RALYL: variants seen among roughly 807,000 people sequenced by gnomAD.
RALYL encodes the protein RALY RNA binding protein like, also known as RNA-binding Raly-like protein.
In RALYL, 29 loss-of-function variants were observed where a neutral mutation model predicts 35.1. That is an observed-to-expected ratio of 0.83 (90% CI 0.61 to 1.13). RALYL has a LOEUF of 1.13. RALYL is among the 50% of genes most tolerant of loss of function. RALYL has a pLI of 0.00. For synonymous variants in RALYL, 120 were observed against 127.6 expected (o/e 0.94, Z 0.40); for missense variants, 359 against 360.4 (o/e 1.00, Z 0.03).
At chr8:84,800,031 A>T (rs759370117) in intron 3 of RALYL, among the ~76,000 whole-genome samples, 1 of 152,232 alleles carries the variant, frequency 6.6e-6, no homozygotes, top group African/African-American at 2.4e-5. Context: ...GCTTAGAGGC[A>T]TCTACAATTA....
chr8:84,372,886 G>GTTTTTTTTTTT (rs76885544), intron 1 of RALYL, among the ~76,000 whole-genome samples: 469 of 39,074 alleles, frequency 0.012, 37 homozygotes, highest in Non-Finnish European at 0.014. Context: ...GCCAGCATCT[G>GTTTTTTTTTTT]TTTTTTTTTT....
At chr8:84,242,007 C>T (rs10088997) in intron 1 of RALYL, among the ~76,000 whole-genome samples, 2 of 152,140 alleles carry the variant, frequency 1.3e-5, no homozygotes, top group African/African-American at 4.8e-5. Context: ...CTTCCTCCCT[C>T]CCACACCCCC....
chr8:84,236,285 G>A (rs1349539461), intron 1 of RALYL, among the ~76,000 whole-genome samples: 2 of 152,126 alleles, frequency 1.3e-5, no homozygotes, highest in East Asian at 1.9e-4. Context: ...GGATCACAAA[G>A]CAACAATATA....
chr8:84,548,871 G>A (rs1414701866), intron 2 of RALYL, among the ~76,000 whole-genome samples: 4 of 151,686 alleles, frequency 2.6e-5, no homozygotes, highest in South Asian at 2.1e-4. Flanking sequence ...GTGATGTTTC[G>A]CTTTGCTTGG....
Position 84,239,025 on chromosome 8 carries a change from G to A in RALYL, c.-24+54601G>A, listed in dbSNP as rs375094496. 9.9e-5 allele frequency among the ~76,000 whole-genome samples: 15 copies of A among 152,246 alleles called. No individual in the cohort carries two copies. In the South Asian group the frequency reaches 2.9e-3, roughly 29 times the overall value. On this transcript the variant is annotated intron_variant, in intron 1 of 8. Coordinates refer to ENST00000521268, the MANE Select transcript of RALYL (RefSeq NM_173848.7). ...GTAAAGACATCTTATACCATGTTAG[G>A]CACCATAATGACCTGAGATGTGCAG...
At chr8:84,203,680 C>T (rs1429395460) in intron 1 of RALYL, among the ~76,000 whole-genome samples, 3 of 152,048 alleles carry the variant, frequency 2.0e-5, no homozygotes, top group African/African-American at 4.8e-5. Context: ...TTCTCAAGTG[C>T]AATATAGATA....
At chr8:84,913,801 A>G (rs1847972331) in intron 8 of RALYL, among the ~76,000 whole-genome samples, 1 of 151,896 alleles carries the variant, frequency 6.6e-6, no homozygotes. Flanking sequence ...TTTTTTTTAA[A>G]TTACCTATGT....
intron 4 of RALYL, among the ~76,000 whole-genome samples, chr8:84,814,727 C>T (rs1586492592): frequency 6.6e-6 from 1 of 152,274 alleles, no homozygotes; most frequent in East Asian, 1.9e-4. Context: ...GGTCTCTGAT[C>T]TGCAACTATA....
rs1487833988 is a variant in RALYL, at chr8:84,763,570, A to T, written c.257-11009A>T. 5.3e-5 allele frequency among the ~76,000 whole-genome samples: 8 copies of T among 152,314 alleles called. No individual in the cohort carries two copies. The East Asian group carries it at 1.5e-3, about 29-fold the overall frequency. On this transcript the variant is annotated intron_variant, in intron 2 of 8. Coordinates refer to ENST00000521268, the MANE Select transcript of RALYL (RefSeq NM_173848.7). ...AATTGTTAAGCAAAGTTCTAAACAT[A>T]TTCAGGAGGCTACTGGTGAACACTT... is the stretch of plus-strand genomic sequence containing the variant.
chr8:84,632,365 G>C (rs1824104409), intron 2 of RALYL, among the ~76,000 whole-genome samples: 1 of 151,906 alleles, frequency 6.6e-6, no homozygotes, highest in African/African-American at 2.4e-5. Flanking sequence ...AAAATGGGAA[G>C]AAATTTTTTT....
chr8:84,489,973 T>C (rs1254047985), intron 1 of RALYL, among the ~76,000 whole-genome samples: 1 of 151,996 alleles, frequency 6.6e-6, no homozygotes, highest in Non-Finnish European at 1.5e-5. Flanking sequence ...TAAAAGTTTT[T>C]CTAAAGATAA....
rs533723897 is a variant in RALYL at position 84,307,433 on chromosome 8, C to T, written c.-24+123009C>T. On this transcript the variant is annotated intron_variant, in intron 1 of 8. Coordinates refer to ENST00000521268, the MANE Select transcript of RALYL (RefSeq NM_173848.7). ...GAAAATTAGAGATTAAATAGTTTGC[C>T]CTCTCTTGTCAATTCCAGCTTATAT... is the stretch of plus-strand genomic sequence containing the variant. Among the ~76,000 whole-genome samples the T allele has an allele frequency of 3.3e-5, 5 of 152,104 alleles. No homozygotes were observed. The East Asian group carries it at 5.8e-4, about 18-fold the overall frequency.
chr8:84,610,719 A>G (rs1818120017), intron 2 of RALYL, among the ~76,000 whole-genome samples: 1 of 152,152 alleles, frequency 6.6e-6, no homozygotes, highest in Non-Finnish European at 1.5e-5. Flanking sequence ...CCACTTGTTT[A>G]TATCAGTATG....
chr8:84,615,762 C>G (rs1175904358), intron 2 of RALYL, among the ~76,000 whole-genome samples: 2 of 113,630 alleles, frequency 1.8e-5, no homozygotes, highest in Non-Finnish European at 3.4e-5. Flanking sequence ...CACCCCACAA[C>G]AGTCCCCAGA....
chr8:84,411,609 A>C (rs2132178235), intron 1 of RALYL, among the ~76,000 whole-genome samples: 1 of 152,072 alleles, frequency 6.6e-6, no homozygotes, highest in East Asian at 1.9e-4. Flanking sequence ...CTGAGGATTA[A>C]ATGTGATAAT....
intron 2 of RALYL, among the ~76,000 whole-genome samples, chr8:84,727,215 A>G (rs1394573162): frequency 6.6e-6 from 1 of 150,638 alleles, no homozygotes; most frequent in African/African-American, 2.5e-5. Context: ...AGATAATGTT[A>G]TCAAATGTTG....
At chr8:84,353,353 G>GC (rs1472019028) in intron 1 of RALYL, among the ~76,000 whole-genome samples, 3 of 150,112 alleles carry the variant, frequency 2.0e-5, no homozygotes, top group Non-Finnish European at 4.4e-5. Context: ...TAGCTTTTAA[G>GC]CCCCCGTGGT....
At chr8:84,530,532 G>T (rs1312213811) in intron 2 of RALYL, among the ~76,000 whole-genome samples, 1 of 150,748 alleles carries the variant, frequency 6.6e-6, no homozygotes, top group Non-Finnish European at 1.5e-5. Context: ...CCATCATCAA[G>T]TTCGCTTGTC....
intron 2 of RALYL, among the ~76,000 whole-genome samples, chr8:84,738,850 T>C (rs1847795865): frequency 6.6e-6 from 1 of 152,014 alleles, no homozygotes; most frequent in South Asian, 2.1e-4. Context: ...AATTAATGAA[T>C]GTTTGCAATT....
Sources: allele counts gnomAD v4.1 joint callset (sites outside exome capture counted in the v4.1 genomes callset), GRCh38; gene constraint gnomAD v4.1.1; transcripts MANE v1.5; gene names NCBI Gene and HGNC (gene_info 2026-07-23, HGNC 2026-07-21).